ECPAS: variants seen among roughly 807,000 people sequenced by gnomAD.
The protein encoded by ECPAS is Ecm29 proteasome adaptor and scaffold.
Under a neutral mutation model 255.1 loss-of-function variants are expected in ECPAS, and 70 were observed. The ratio of observed to expected loss-of-function variants is 0.27; its 90% CI spans 0.23 to 0.33. ECPAS has a LOEUF of 0.33. Among genes scored for constraint, ECPAS ranks in the 10% least tolerant of loss-of-function variants. The probability of loss-of-function intolerance (pLI) is 1.00; values close to 1 mark genes in which losing one functional copy is unlikely to be tolerated. For synonymous variants in ECPAS, 784 were observed against 775.0 expected (o/e 1.01, Z -0.19); for missense variants, 1,817 against 2,206.4 (o/e 0.82, Z 3.54).
chr9:111,419,427 A>G (rs2098209671), intron 16 of ECPAS, among the ~76,000 whole-genome samples: 1 of 152,186 alleles, frequency 6.6e-6, no homozygotes, highest in Admixed American at 6.5e-5. Flanking sequence ...AGTTGTTTTA[A>G]TATGTCCACA....
rs751687233 is a variant in ECPAS at position 111,407,428 on chromosome 9, A to AAAAAAAAAAAAAAAAAAAAAAAG, written c.2652+1142_2652+1143insCTTTTTTTTTTTTTTTTTTTTTT. On this transcript the variant is annotated intron_variant, in intron 24 of 49. Coordinates refer to ENST00000684092, the MANE Select transcript of ECPAS (RefSeq NM_001364929.1). ...GAAAAAAAAAAAAAAAAAAAAAAAA[A>AAAAAAAAAAAAAAAAAAAAAAAG]AAAAAAAAAACCTAGAAGAAACCCA... 1.6e-4 allele frequency among the ~76,000 whole-genome samples: 16 copies of AAAAAAAAAAAAAAAAAAAAAAAG among 98,726 alleles called. 2 individuals are homozygous for AAAAAAAAAAAAAAAAAAAAAAAG. Among genetic ancestry groups the AAAAAAAAAAAAAAAAAAAAAAAG allele is most frequent in the Non-Finnish European group, 3.4e-4 (13 of 38,762 alleles). 64.8% of individuals were successfully genotyped at this position (98,726 alleles called of 152,430 possible). A position where few individuals can be genotyped will look rare whatever the true frequency, so the allele number is the denominator to read the frequency against.
chr9:111,442,635 T>C (rs866414009), intron 4 of ECPAS, among the ~76,000 whole-genome samples: 2 of 152,196 alleles, frequency 1.3e-5, no homozygotes, highest in South Asian at 2.1e-4. Context: ...TGCTTTAAAG[T>C]AGGCCTAATG....
chr9:111,402,967 A>G (rs1421811600), intron 24 of ECPAS, among the ~76,000 whole-genome samples: 1 of 152,178 alleles, frequency 6.6e-6, no homozygotes. Flanking sequence ...TAACAATAAT[A>G]AACTGACTGT....
At chr9:111,380,456 T>A (rs2098139208) in intron 35 of ECPAS, among the ~76,000 whole-genome samples, 1 of 152,220 alleles carries the variant, frequency 6.6e-6, no homozygotes, top group African/African-American at 2.4e-5. Flanking sequence ...GACTTTGTTG[T>A]TCCATTTCTA....
intron 31 of ECPAS, among the ~76,000 whole-genome samples, chr9:111,388,868 G>C (rs2098154849): frequency 6.6e-6 from 1 of 151,882 alleles, no homozygotes; most frequent in Non-Finnish European, 1.5e-5. Context: ...AGAGTAGAGG[G>C]GGAAGGTTAT....
At position 111,412,212 on chromosome 9, in the gene ECPAS, T is replaced by C. The variant is rs796264757; in HGVS notation, c.2080-64A>G. On this transcript the variant is annotated intron_variant, in intron 20 of 49. Coordinates refer to ENST00000684092, the MANE Select transcript of ECPAS (RefSeq NM_001364929.1). Reference sequence around the variant, plus strand: ...CAGAACCACGTGCCTGATGACAACATCTTTTAAAATTAAAAGAACGTTCAA... The same window carrying C: ...CAGAACCACGTGCCTGATGACAACACCTTTTAAAATTAAAAGAACGTTCAA... The C allele has an allele frequency of 1.1e-5, 15 of 1,352,828 alleles. No individual in the cohort carries two copies. In the African/African-American group the frequency reaches 1.9e-4, roughly 17 times the overall value. The allele number at this position is 1,352,828 out of a possible 1,614,324, so 83.8% of individuals were successfully genotyped here. A position where few individuals can be genotyped will look rare whatever the true frequency, so the allele number is the denominator to read the frequency against.
chr9:111,479,394 GAGACCAGCCTGGCCA>G (rs1442382879), intron 1 of ECPAS, among the ~76,000 whole-genome samples: 2 of 150,828 alleles, frequency 1.3e-5, no homozygotes, highest in Non-Finnish European at 3.0e-5. Context: ...TCAGGAGGTC[GAGACCAGCCTGGCCA>G]ACACGGTGAA....
chr9:111,458,996 C>A (rs1341833773), intron 2 of ECPAS, among the ~76,000 whole-genome samples: 1 of 152,128 alleles, frequency 6.6e-6, no homozygotes, highest in African/African-American at 2.4e-5. Flanking sequence ...ACCCCCAAAT[C>A]TGTATCCAAT....
intron 24 of ECPAS, among the ~76,000 whole-genome samples, chr9:111,401,331 C>A (rs561846014): frequency 6.6e-6 from 1 of 152,068 alleles, no homozygotes; most frequent in African/African-American, 2.4e-5. Context: ...TTGGTAGGAC[C>A]GTGATGGCGA....
At chr9:111,438,215 T>G (rs1279139904) in intron 6 of ECPAS, among the ~76,000 whole-genome samples, 1 of 152,262 alleles carries the variant, frequency 6.6e-6, no homozygotes, top group African/African-American at 2.4e-5. Context: ...TCACCTGTCA[T>G]TCTGGCTGCC....
intron 2 of ECPAS, among the ~76,000 whole-genome samples, chr9:111,469,452 T>G (rs1014179177): frequency 6.6e-6 from 1 of 151,784 alleles, no homozygotes. Flanking sequence ...GAGAATGATT[T>G]GAACCCGGGA....
intron 1 of ECPAS, among the ~76,000 whole-genome samples, chr9:111,479,504 A>G (rs954966799): frequency 2.6e-5 from 4 of 151,770 alleles, no homozygotes; most frequent in African/African-American, 9.7e-5. Flanking sequence ...GAGGCAGAAG[A>G]ATCACTTGAA....
At chr9:111,373,895 A>AT (rs1163387891) in intron 39 of ECPAS, 77 bp downstream of exon 39, 15 of 1,101,532 alleles carry the variant, frequency 1.4e-5, no homozygotes, top group Non-Finnish European at 2.1e-5. Flanking sequence ...AATGATAAGT[A>AT]TTTTTCCTTT....
chr9:111,479,741 G>A (rs534435432), intron 1 of ECPAS, among the ~76,000 whole-genome samples: 35 of 152,100 alleles, frequency 2.3e-4, no homozygotes, highest in African/African-American at 8.4e-4. Flanking sequence ...AGCACTGTGG[G>A]AGGCTGAGGT....
chr9:111,417,054 A>G (rs925951513), intron 17 of ECPAS, among the ~76,000 whole-genome samples: 5 of 152,096 alleles, frequency 3.3e-5, no homozygotes, highest in African/African-American at 1.2e-4. Flanking sequence ...AGCGTGGGCA[A>G]TATAGCAAAA....
intron 2 of ECPAS, among the ~76,000 whole-genome samples, chr9:111,467,115 T>C (rs1276658765): frequency 6.6e-6 from 1 of 152,120 alleles, no homozygotes; most frequent in Admixed American, 6.6e-5. Flanking sequence ...GCTATTTTCT[T>C]ACAGGACTAG....
At chr9:111,433,548 A>G (rs1415242856) in intron 7 of ECPAS, among the ~76,000 whole-genome samples, 176 bp from the exon 8 acceptor site, 1 of 152,228 alleles carries the variant, frequency 6.6e-6, no homozygotes, top group Middle Eastern at 3.2e-3. Flanking sequence ...ATATATTCAT[A>G]ATTTCACTTA....
chr9:111,392,920 A>C (rs777687004), intron 27 of ECPAS, 38 bp from the exon 28 acceptor site: 1 of 1,485,098 alleles, frequency 6.7e-7, no homozygotes, highest in Non-Finnish European at 9.2e-7. Flanking sequence ...CACTTTAAAA[A>C]AAATTTTGTC....
chr9:111,409,168 C>T (rs1412219203), intron 23 of ECPAS, among the ~76,000 whole-genome samples: 1 of 152,198 alleles, frequency 6.6e-6, no homozygotes, highest in Non-Finnish European at 1.5e-5. Flanking sequence ...ATTAGAAGTG[C>T]TTAACAATGT....
Sources: allele counts gnomAD v4.1 joint callset (sites outside exome capture counted in the v4.1 genomes callset), GRCh38; gene constraint gnomAD v4.1.1; transcripts MANE v1.5; gene names NCBI Gene and HGNC (gene_info 2026-07-23, HGNC 2026-07-21).